The following CASS4 variants were observed in gnomAD, a reference collection of about 807,000 sequenced individuals.
CASS4 encodes Cas scaffold protein family member 4.
In CASS4, 22 loss-of-function variants were observed where a neutral mutation model predicts 54.2. That is an observed-to-expected ratio of 0.41 (90% CI 0.29 to 0.58). The LOEUF is 0.58. CASS4 is among the 20% of genes least tolerant of loss of function. The probability of loss-of-function intolerance (pLI) is 0.36; values close to 1 mark genes in which losing one functional copy is unlikely to be tolerated. For missense variants in CASS4, 854 were observed against 986.7 expected, an observed-to-expected ratio of 0.87 and a Z score of 1.80; for synonymous variants, 409 against 391.5, an observed-to-expected ratio of 1.04 and a Z score of -0.53.
Position 56,437,661 on chromosome 20 carries a change from C to A in CASS4, c.459+75C>A. 2 of 1,315,592 alleles carry A rather than the reference C, an allele frequency of 1.5e-6. No individual in the cohort carries two copies. Among genetic ancestry groups the A allele is most frequent in the Non-Finnish European group, 2.1e-6 (2 of 968,086 alleles). 81.5% of individuals were successfully genotyped at this position (1,315,592 alleles called of 1,614,324 possible). A position where few individuals can be genotyped will look rare whatever the true frequency, so the allele number is the denominator to read the frequency against. Reference sequence around the variant, plus strand: ...CCAGAGGCCTAACTACCTCTTGAGGCATGGGTGTCCTTCAGATCAAACACG... The same window carrying A: ...CCAGAGGCCTAACTACCTCTTGAGGAATGGGTGTCCTTCAGATCAAACACG... On this transcript the variant is annotated intron_variant, in intron 2 of 5. Coordinates refer to ENST00000679887, the MANE Select transcript of CASS4 (RefSeq NM_020356.4). This position sits in a 1 kb window ranked among gnomAD's most constrained non-coding sequence, Gnocchi z 4.7.
chr20:56,440,066 T>C (rs1980385074), intron 2 of CASS4, among the ~76,000 whole-genome samples: 1 of 152,244 alleles, frequency 6.6e-6, no homozygotes, highest in African/African-American at 2.4e-5. Context: ...TAGAAGATTT[T>C]GAATACTTTA....
At chr20:56,454,891 A>T (rs1004395404) in intron 5 of CASS4, among the ~76,000 whole-genome samples, 8 of 152,336 alleles carry the variant, frequency 5.3e-5, no homozygotes, top group Non-Finnish European at 1.2e-4. Context: ...TTAGCAAGAG[A>T]GTCCTGGAGA....
rs767171464 is a variant in CASS4 at position 56,451,904 on chromosome 20, T to C, written c.728T>C (p.Ile243Thr). 6 of 1,614,106 alleles carry C rather than the reference T, an allele frequency of 3.7e-6. No individual in the cohort carries two copies. Among genetic ancestry groups the C allele is most frequent in the Non-Finnish European group, 5.1e-6 (6 of 1,180,014 alleles). ...CCAAATCCTCAGAAATCGGAATGGATTTATGACACTCCAGTGTCTCCAGGA... is the reference window on the plus strand; with the variant it reads ...CCAAATCCTCAGAAATCGGAATGGACTTATGACACTCCAGTGTCTCCAGGA... The part of the protein sequence containing the change: ...TLPNPQKSEW[I>T]YDTPVSPGKA... Residue 243 changes from isoleucine (I) to threonine (T), a missense_variant, in exon 5 of 6, where the codon ATT becomes ACT. Physicochemically the swap from Ile to Thr is moderately conservative, Grantham distance 89. Coordinates refer to ENST00000679887, the MANE Select transcript of CASS4 (RefSeq NM_020356.4).
intron 1 of CASS4, among the ~76,000 whole-genome samples, chr20:56,419,815 G>A (rs1220788334): frequency 6.6e-6 from 1 of 152,086 alleles, no homozygotes; most frequent in Non-Finnish European, 1.5e-5. Context: ...GGCCAAGGCA[G>A]GTGGATCATC....
At chr20:56,448,035 G>T (rs920066625) in intron 3 of CASS4, among the ~76,000 whole-genome samples, 2 of 151,900 alleles carry the variant, frequency 1.3e-5, no homozygotes, top group East Asian at 3.9e-4. Flanking sequence ...CCAGCTACTC[G>T]GGAGGCTGAG....
chr20:56,419,466 C>G (rs6024868), intron 1 of CASS4, among the ~76,000 whole-genome samples: 2 of 152,176 alleles, frequency 1.3e-5, no homozygotes, highest in Admixed American at 1.3e-4. Context: ...ACACCACCCC[C>G]GCTCAGGCTG....
chr20:56,435,470 T>C (rs373484879), intron 1 of CASS4, among the ~76,000 whole-genome samples: 10 of 152,336 alleles, frequency 6.6e-5, no homozygotes, highest in South Asian at 4.1e-4. Flanking sequence ...ATTTCTCTCT[T>C]TTTCTGTAAT....
chr20:56,432,100 TA>T (rs777442989), intron 1 of CASS4, among the ~76,000 whole-genome samples: 51 of 152,276 alleles, frequency 3.3e-4, no homozygotes, highest in Non-Finnish European at 6.5e-4. Flanking sequence ...TGAATGAATT[TA>T]TTTTTAAAAA....
chr20:56,431,270 CCT>C lies in CASS4; in HGVS notation c.37-5893_37-5892del, dbSNP rs558747296. ...AATAGGTTCTCATTCAGTATAATTC[CCT>C]GTTTTCCCTCCATTCCAGGTAAGGA... On this transcript the variant is annotated intron_variant, in intron 1 of 5. Transcript: ENST00000679887. Among the ~76,000 whole-genome samples the C allele has an allele frequency of 4.3e-3, 657 of 152,248 alleles. 4 individuals are homozygous for C. The highest frequency in any genetic ancestry group is 0.015 in the African/African-American group (626 of 41,520).
chr20:56,443,542 A>G lies in CASS4; in HGVS notation c.460-2358A>G, dbSNP rs184032739. On this transcript the variant is annotated intron_variant, in intron 2 of 5. Transcript: ENST00000679887. The stretch of plus-strand genomic sequence containing the variant: ...ACTGATGGGCTTGTCCACCTAGACC[A>G]ATCAGCCTGAGACCATCAGGAACAA... 2.0e-3 allele frequency among the ~76,000 whole-genome samples: 293 copies of G among 148,820 alleles called. 8 individuals carry two copies. Among genetic ancestry groups the G allele is most frequent in the African/African-American group, 7.2e-3 (279 of 38,486 alleles).
At chr20:56,454,235 G>T (rs1214962397) in intron 5 of CASS4, among the ~76,000 whole-genome samples, 1 of 152,148 alleles carries the variant, frequency 6.6e-6, no homozygotes, top group African/African-American at 2.4e-5. Context: ...TTCTGGATGA[G>T]TTCAGACATT....
At chr20:56,434,895 G>C (rs1980083285) in intron 1 of CASS4, among the ~76,000 whole-genome samples, 1 of 152,154 alleles carries the variant, frequency 6.6e-6, no homozygotes. Context: ...AAAACCGAAG[G>C]ATTAACAGCA....
Position 56,413,672 on chromosome 20 carries a change from CAAAA to C in CASS4, c.36+1202_36+1205del, listed in dbSNP as rs35217347. ...TGGGTGACAGAGCAAGACTCTGTCT[CAAAA>C]AAAAAAAAAAAAAAAAAAAAAAAGT... On this transcript the variant is annotated intron_variant, in intron 1 of 5. Transcript: ENST00000679887. 4.4e-3 allele frequency among the ~76,000 whole-genome samples: 124 copies of C among 28,286 alleles called. 1 individual carries two copies. Among genetic ancestry groups the C allele is most frequent in the African/African-American group, 0.016 (112 of 6,820 alleles). 18.6% of individuals were successfully genotyped at this position (28,286 alleles called of 152,430 possible). A position where few individuals can be genotyped will look rare whatever the true frequency, so the allele number is the denominator to read the frequency against.
At chr20:56,431,091 A>G (rs190245032) in intron 1 of CASS4, among the ~76,000 whole-genome samples, 1 of 152,332 alleles carries the variant, frequency 6.6e-6, no homozygotes, top group Admixed American at 6.5e-5. Flanking sequence ...GAAAGAATGG[A>G]TGTGAGGAAC....
chr20:56,428,124 T>C (rs1353118191), intron 1 of CASS4, among the ~76,000 whole-genome samples: 1 of 152,162 alleles, frequency 6.6e-6, no homozygotes, highest in Non-Finnish European at 1.5e-5. Flanking sequence ...ATATTCTAGG[T>C]TACTTGGATG....
chr20:56,434,735 T>A (rs143531088), intron 1 of CASS4, among the ~76,000 whole-genome samples: 1 of 152,096 alleles, frequency 6.6e-6, no homozygotes, highest in Non-Finnish European at 1.5e-5. Flanking sequence ...TGAGCCACTG[T>A]GCCCGGTCCC....
intron 5 of CASS4, among the ~76,000 whole-genome samples, chr20:56,456,629 C>T (rs995486370): frequency 6.6e-6 from 1 of 152,116 alleles, no homozygotes; most frequent in Admixed American, 6.5e-5. Context: ...CCTGCCTCAG[C>T]CTCCCAAAGT....
intron 4 of CASS4, 144 bp from the exon 5 acceptor site, chr20:56,451,675 C>T (rs933395571): frequency 1.5e-6 from 1 of 655,252 alleles, no homozygotes; most frequent in South Asian, 2.0e-5. Context: ...AAATGAGGCT[C>T]AAAAGAATCC....
intron 3 of CASS4, among the ~76,000 whole-genome samples, chr20:56,449,149 T>C (rs1004459591): frequency 6.6e-6 from 1 of 152,140 alleles, no homozygotes; most frequent in Non-Finnish European, 1.5e-5. Context: ...GCTATAAAGA[T>C]ACATGCACAC....
Sources: allele counts gnomAD v4.1 joint callset (sites outside exome capture counted in the v4.1 genomes callset), GRCh38; gene constraint gnomAD v4.1.1; non-coding constraint Gnocchi (gnomAD v3.1); transcripts MANE v1.5; gene names NCBI Gene and HGNC (gene_info 2026-07-23, HGNC 2026-07-21).